The following LILRB1 variants were observed in gnomAD, a reference collection of about 807,000 sequenced individuals.
LILRB1 encodes the protein leukocyte immunoglobulin like receptor B1, also known as leukocyte immunoglobulin-like receptor subfamily B member 1.
In LILRB1, 59 loss-of-function variants were observed where a neutral mutation model predicts 74.6. The observed-to-expected ratio is 0.79, with a 90% CI of 0.64 to 0.98. The LOEUF (loss-of-function observed/expected upper bound fraction) is 0.98. LILRB1 is among the 50% of genes least tolerant of loss of function. The probability of loss-of-function intolerance (pLI) is 0.00; values close to 1 mark genes in which losing one functional copy is unlikely to be tolerated. For synonymous variants in LILRB1, 328 were observed against 333.9 expected (o/e 0.98, Z 0.19); for missense variants, 804 against 822.6 (o/e 0.98, Z 0.28).
Position 54,633,154 on chromosome 19 carries a change from CA to C in LILRB1, c.1098del (p.Trp367GlyfsTer3). 6.6e-7 allele frequency: 1 copy of C among 1,511,596 alleles called. No individual in the cohort carries two copies. Among genetic ancestry groups the C allele is most frequent in the Non-Finnish European group, 9.0e-7 (1 of 1,114,488 alleles). The allele number at this position is 1,511,596 out of a possible 1,614,324, so 93.6% of individuals were successfully genotyped here. ...LLTKEGAADD[P>X]WRLRSTYQSQ... ...ACCAAGGAGGGGGCAGCTGATGACC[CA>C]TGGCGTCTAAGATCAACGTACCAAT... On this transcript the variant is annotated frameshift_variant, in exon 7 of 15. Coordinates refer to ENST00000324602, the MANE Select transcript of LILRB1 (RefSeq NM_001081637.3). LOFTEE classifies it high-confidence loss of function.
intron 13 of LILRB1, 23 bp from the exon 14 acceptor site, chr19:54,636,471 C>T (rs2064430894): frequency 6.2e-7 from 1 of 1,609,204 alleles, no homozygotes; most frequent in Non-Finnish European, 8.5e-7. Context: ...TCAAGGACAC[C>T]CCCCACCACT....
In LILRB1 at chr19:54,633,016, G is replaced by C. The variant is rs758661325; in HGVS notation, c.959G>C (p.Gly320Ala). 5.6e-6 allele frequency: 9 copies of C among 1,613,206 alleles called. No individual in the cohort carries two copies. The Admixed American group carries it at 8.3e-5, about 15-fold the overall frequency. The change falls in exon 7 of 15, where the codon GGA (glycine) becomes GCA (alanine). Residue 320 changes from glycine (G) to alanine (A), a missense_variant and splice_region_variant. By Grantham distance (60) the Gly-to-Ala change is moderately conservative. Transcript: ENST00000324602. ...PSDPLDILIAGQFYDRVSLSV... is the reference protein window; with the variant it reads ...PSDPLDILIAAQFYDRVSLSV... ...CCTCGCCCATCCTTCTTCTCTCCAG[G>C]ACAGTTCTATGACAGAGTCTCCCTC... is the stretch of plus-strand genomic sequence containing the variant.
chr19:54,632,353 C>T, intron 5 of LILRB1, 111 bp from the exon 6 acceptor site: 1 of 1,547,938 alleles, frequency 6.5e-7, no homozygotes. Context: ...CTCAGGGCTC[C>T]TGGGGCCAGA....
rs1230580565 is a variant in LILRB1, at chr19:54,636,937, C to G, written c.*59C>G. On this transcript the variant is annotated 3_prime_UTR_variant, in exon 15 of 15. Coordinates refer to ENST00000324602, the MANE Select transcript of LILRB1 (RefSeq NM_001081637.3). ...AGTCTGGAATGCATGGGAGCTGCCC[C>G]CCCAGTGGACACCATTGGACCCCAC... The G allele has an allele frequency of 3.7e-6, 6 of 1,604,574 alleles. No individual in the cohort carries two copies. The highest frequency in any genetic ancestry group is 1.7e-4 in the Middle Eastern group (1 of 6,004).
chr19:54,623,704 A>G (rs776075067), intron 1 of LILRB1, among the ~76,000 whole-genome samples: 4 of 152,190 alleles, frequency 2.6e-5, no homozygotes, highest in African/African-American at 4.8e-5. Flanking sequence ...CATCACTAGC[A>G]AGCCAGTGCG....
chr19:54,635,948 C>G (rs748424052), intron 13 of LILRB1: 2 of 585,180 alleles, frequency 3.4e-6, no homozygotes, highest in South Asian at 3.1e-5. Context: ...CCAGGGAGCT[C>G]ACTGTGGATG....
upstream of LILRB1, among the ~76,000 whole-genome samples, chr19:54,628,556 G>T (rs117196959): frequency 6.6e-6 from 1 of 152,098 alleles, no homozygotes; most frequent in Non-Finnish European, 1.5e-5. Context: ...AGACACTGAC[G>T]TTTCCTGGTT....
At chr19:54,635,051 G>C in intron 10 of LILRB1, 53 bp from the exon 11 acceptor site, 3 of 1,270,748 alleles carry the variant, frequency 2.4e-6, no homozygotes, top group Non-Finnish European at 3.3e-6. Context: ...TGTGTGTGCA[G>C]GGCAGGGGGC....
At chr19:54,635,876 G>C (rs550991119) in intron 13 of LILRB1, 80 of 668,100 alleles carry the variant, frequency 1.2e-4, no homozygotes, top group Admixed American at 6.6e-4. Flanking sequence ...AGGAGGATGA[G>C]GAATAAATGA....
At position 54,636,547 on chromosome 19, in the gene LILRB1, C is replaced by G; in HGVS notation, c.1707C>G (p.His569Gln). Residue 569 changes from histidine to glutamine, a missense_variant, in exon 14 of 15, where the codon CAC (histidine) becomes CAG (glutamine). Transcript: ENST00000324602. ...PQAVTYAEVK[H>Q]SRPRREMASP... The stretch of plus-strand genomic sequence containing the variant: ...CAGTGACGTATGCCGAGGTGAAACA[C>G]TCCAGACCTAGGAGAGAAATGGCCT... 6.2e-7 allele frequency: 1 copy of G among 1,611,838 alleles called. No homozygotes were observed.
upstream of LILRB1, among the ~76,000 whole-genome samples, chr19:54,616,599 T>G (rs2063318364): frequency 6.6e-6 from 1 of 152,128 alleles, no homozygotes. Context: ...TGACGGCCCT[T>G]TATTTATTCT....
At chr19:54,617,579 G>GTGTT (rs2063340918) in intron 1 of LILRB1, among the ~76,000 whole-genome samples, 1 of 151,252 alleles carries the variant, frequency 6.6e-6, no homozygotes, top group Non-Finnish European at 1.5e-5. Flanking sequence ...GTGTGTGTGT[G>GTGTT]TGTGTGTGTG....
upstream of LILRB1, among the ~76,000 whole-genome samples, chr19:54,627,152 T>G (rs1315132632): frequency 6.6e-6 from 1 of 152,224 alleles, no homozygotes. Flanking sequence ...GTTGGACAGA[T>G]GCATGCTTTC....
Position 54,632,145 on chromosome 19 carries a change from G to T in LILRB1, c.569G>T (p.Ser190Ile). ...AIFSVGPVSPSRRWWYRCYAY... is the reference protein window; with the variant it reads ...AIFSVGPVSPIRRWWYRCYAY... ...TTCTCCGTGGGCCCCGTGAGCCCGA[G>T]TCGCAGGTGGTGGTACAGGTGCTAT... The change falls in exon 5 of 15, where the codon AGT becomes ATT. Residue 190 changes from serine (S) to isoleucine (I), a missense_variant. Physicochemically the swap from Ser to Ile is moderately radical, Grantham distance 142 (BLOSUM62 -2). Coordinates refer to ENST00000324602, the MANE Select transcript of LILRB1 (RefSeq NM_001081637.3). 6.2e-7 allele frequency: 1 copy of T among 1,614,210 alleles called. No homozygotes were observed. Among genetic ancestry groups the T allele is most frequent in the Non-Finnish European group, 8.5e-7 (1 of 1,180,014 alleles).
Position 54,631,943 on chromosome 19 carries a change from ATCAAACCCACCCTC to A in LILRB1, c.371_384del (p.Lys124SerfsTer18). The A allele has an allele frequency of 6.2e-7, 1 of 1,612,682 alleles. No homozygotes were observed. Among genetic ancestry groups the A allele is most frequent in the Non-Finnish European group, 8.5e-7 (1 of 1,178,864 alleles). Reference sequence around the variant, plus strand: ...GCCTCCTTCTCTCCTAGGAGCCTACATCAAACCCACCCTCTCAGCCCAGCCCAGCCCCGTGGTGA... The same window carrying A: ...GCCTCCTTCTCTCCTAGGAGCCTACATCAGCCCAGCCCAGCCCCGTGGTGA... On this transcript the variant is annotated frameshift_variant, in exon 5 of 15. Coordinates refer to ENST00000324602, the MANE Select transcript of LILRB1 (RefSeq NM_001081637.3). LOFTEE classifies it high-confidence loss of function.
upstream of LILRB1, chr19:54,630,363 T>G: frequency 2.7e-4 from 32 of 117,334 alleles, no homozygotes; most frequent in Middle Eastern, 3.7e-3. Context: ...TCCCGGGGGG[T>G]GGGGTTGGAC....
chr19:54,628,270 T>A (rs1336147352), upstream of LILRB1, among the ~76,000 whole-genome samples: 1 of 152,200 alleles, frequency 6.6e-6, no homozygotes, highest in Non-Finnish European at 1.5e-5. Flanking sequence ...CCAGGGCAAA[T>A]ATTTAGGCTA....
intron 1 of LILRB1, among the ~76,000 whole-genome samples, chr19:54,619,554 A>G (rs560664018): frequency 2.6e-5 from 4 of 152,302 alleles, no homozygotes; most frequent in African/African-American, 9.6e-5. Flanking sequence ...CAATGAATAT[A>G]TCAAAGTTCA....
chr19:54,617,591 T>TGTGTGTGTG (rs2063344251), intron 1 of LILRB1, among the ~76,000 whole-genome samples: 1 of 133,332 alleles, frequency 7.5e-6, no homozygotes, highest in Non-Finnish European at 1.7e-5. Context: ...GTGTGTGTGG[T>TGTGTGTGTG]GTGTGTGTGT....
Sources: gnomAD v4.1 joint callset for allele counts (sites outside exome capture counted in the v4.1 genomes callset) on GRCh38, gnomAD v4.1.1 for gene constraint, MANE v1.5 for transcripts, NCBI Gene and HGNC (gene_info 2026-07-23, HGNC 2026-07-21) for gene names.